The following TULP4 variants were observed in gnomAD, a reference collection of about 807,000 sequenced individuals.
The protein encoded by TULP4 is tubby-related protein 4.
In TULP4, 16 loss-of-function variants were observed where a neutral mutation model predicts 129.0. The observed-to-expected ratio is 0.12, with a 90% CI of 0.08 to 0.19. The LOEUF (loss-of-function observed/expected upper bound fraction) is 0.19. Among genes scored for constraint, TULP4 ranks in the 10% least tolerant of loss-of-function variants. The probability of loss-of-function intolerance (pLI) is 1.00; values close to 1 mark genes in which losing one functional copy is unlikely to be tolerated. For missense variants in TULP4, 1,842 were observed against 2,059.1 expected (o/e 0.89, Z 2.04); for synonymous variants, 998 against 854.0 (o/e 1.17, Z -2.94).
intron 1 of TULP4, among the ~76,000 whole-genome samples, chr6:158,373,557 G>C (rs968730180): frequency 6.6e-6 from 1 of 152,100 alleles, no homozygotes; most frequent in African/African-American, 2.4e-5. Context: ...ACAAACTATG[G>C]AGTTTATCTC....
intron 1 of TULP4, chr6:158,238,057 T>A: frequency 1.4e-6 from 1 of 702,690 alleles, no homozygotes; most frequent in Non-Finnish European, 2.7e-6. Context: ...TGTGAAGACA[T>A]CAGTGGTACT....
chr6:158,449,505 G>C (rs143024711), intron 4 of TULP4, among the ~76,000 whole-genome samples: 1 of 152,018 alleles, frequency 6.6e-6, no homozygotes, highest in East Asian at 2.0e-4. Flanking sequence ...TGACAATAAA[G>C]AAAGCTAAAG....
intron 13 of TULP4, 97 bp downstream of exon 13, chr6:158,504,275 T>G: frequency 9.8e-7 from 1 of 1,020,612 alleles, no homozygotes; most frequent in Non-Finnish European, 1.4e-6. Flanking sequence ...AAATGGGAAA[T>G]GTGGAAAACA....
Position 158,493,480 on chromosome 6 carries a change from G to A in TULP4, c.1632-93G>A, listed in dbSNP as rs1780260587. On this transcript the variant is annotated intron_variant, in intron 9 of 13. Transcript: ENST00000367097. The surrounding 1 kb of genome is among the most constrained non-coding windows in gnomAD (Gnocchi z 4.4). ...AGGGTGAGAACCCAACACCCAGGCTGGCTGTCCAGAAAAAGAAAGGACTGC... is the reference window on the plus strand; with the variant it reads ...AGGGTGAGAACCCAACACCCAGGCTAGCTGTCCAGAAAAAGAAAGGACTGC... The A allele has an allele frequency of 6.8e-6, 9 of 1,321,328 alleles. No individual in the cohort carries two copies. The highest frequency in any genetic ancestry group is 5.6e-5 in the East Asian group (2 of 35,622). 81.9% of individuals were successfully genotyped at this position (1,321,328 alleles called of 1,614,324 possible). A position where few individuals can be genotyped will look rare whatever the true frequency, so the allele number is the denominator to read the frequency against.
chr6:158,338,574 C>T (rs931487144), intron 1 of TULP4, among the ~76,000 whole-genome samples: 5 of 152,166 alleles, frequency 3.3e-5, no homozygotes, highest in Admixed American at 6.5e-5. Flanking sequence ...GTATCCTTTG[C>T]GGAATTTAGC....
chr6:158,244,977 ATAATT>A (rs1777999983), intron 1 of TULP4, among the ~76,000 whole-genome samples: 1 of 152,040 alleles, frequency 6.6e-6, no homozygotes, highest in Non-Finnish European at 1.5e-5. Context: ...TGTTGGCAAT[ATAATT>A]TAGACACAAT....
upstream of TULP4, among the ~76,000 whole-genome samples, chr6:158,281,299 C>T (rs574951294): frequency 4.8e-4 from 73 of 151,882 alleles, no homozygotes; most frequent in African/African-American, 1.6e-3. Context: ...CTGCAACCTC[C>T]GCCTCCTGGG....
At chr6:158,387,500 A>G (rs1453933416) in intron 1 of TULP4, among the ~76,000 whole-genome samples, 3 of 152,228 alleles carry the variant, frequency 2.0e-5, no homozygotes, top group Non-Finnish European at 4.4e-5. Flanking sequence ...AACTTAAAGC[A>G]TAATTTAAGT....
rs564265430 is a variant in TULP4, at chr6:158,370,255, G to A, written c.253-42810G>A. 4.6e-5 allele frequency among the ~76,000 whole-genome samples: 7 copies of A among 151,818 alleles called. No individual in the cohort carries two copies. The South Asian group carries it at 1.5e-3, about 32-fold the overall frequency. On this transcript the variant is annotated intron_variant, in intron 1 of 13. Coordinates refer to ENST00000367097, the MANE Select transcript of TULP4 (RefSeq NM_020245.5). ...GCGGATCACCTGAGGTCAGGAGTTC[G>A]AGACCAGCCTGGCCAACATGGCGAA... is the stretch of plus-strand genomic sequence containing the variant.
At chr6:158,501,400 C>G (rs1780440174) in intron 12 of TULP4, among the ~76,000 whole-genome samples, 1 of 152,124 alleles carries the variant, frequency 6.6e-6, no homozygotes, top group Non-Finnish European at 1.5e-5. Flanking sequence ...TGTGATGGTG[C>G]CATTGAGGCA....
At chr6:158,341,964 G>A (rs1024709512) in intron 1 of TULP4, among the ~76,000 whole-genome samples, 10 of 152,164 alleles carry the variant, frequency 6.6e-5, no homozygotes, top group African/African-American at 2.4e-4. Context: ...TGTCGCCCAG[G>A]CTGGAGTGCA....
In TULP4 at chr6:158,494,770, G is replaced by T. The variant is rs1445880586; in HGVS notation, c.1794G>T (p.Gln598His). The T allele has an allele frequency of 2.5e-6, 4 of 1,613,770 alleles. No homozygotes were observed. The highest frequency in any genetic ancestry group is 3.4e-6 in the Non-Finnish European group (4 of 1,179,952). Residue 598 changes from glutamine to histidine, a missense_variant, in exon 11 of 14, where the codon CAG (glutamine) becomes CAT (histidine). Gln to His is a conservative substitution (Grantham distance 24). Around this residue, in one of 5 missense-constraint regions of TULP4, gnomAD observed 99 missense variants for 165.1 expected, o/e 0.60. Transcript: ENST00000367097. ...TACCGCAGCACAACTATCTTGCTCAGGTCACGTCTAATATCTGGGGAACCA... is the reference window on the plus strand; with the variant it reads ...TACCGCAGCACAACTATCTTGCTCATGTCACGTCTAATATCTGGGGAACCA... ...EDITQHNYLAQVTSNIWGTKF... is the reference protein window; with the variant it reads ...EDITQHNYLAHVTSNIWGTKF...
Position 158,313,456 on chromosome 6 carries a change from C to T in TULP4, c.-561C>T, listed in dbSNP as rs1339595307. ...TTTAGCAGCAGAAATTTGTCTAGTT[C>T]AGGAAACATGCTAGAGGGTGGCTTC... On this transcript the variant is annotated 5_prime_UTR_variant, in exon 1 of 14. An upstream open reading frame in the 5' UTR gains an earlier in-frame stop. Transcript: ENST00000367097. 5.0e-6 allele frequency: 2 copies of T among 399,208 alleles called. No homozygotes were observed. Among genetic ancestry groups the T allele is most frequent in the Non-Finnish European group, 8.8e-6 (2 of 226,688 alleles). The allele number at this position is 399,208 out of a possible 1,614,324, so 24.7% of individuals were successfully genotyped here.
intron 1 of TULP4, among the ~76,000 whole-genome samples, chr6:158,394,785 T>TAAA (rs1777665761): frequency 9.7e-5 from 1 of 10,362 alleles, no homozygotes; most frequent in Non-Finnish European, 1.5e-4. Flanking sequence ...AGGCTCTGTC[T>TAAA]CAAAAAAAAA....
intron 12 of TULP4, 148 bp from the exon 13 acceptor site, chr6:158,501,530 G>C (rs1205031635): frequency 1.3e-6 from 1 of 790,114 alleles, no homozygotes; most frequent in Non-Finnish European, 2.0e-6. Flanking sequence ...GAGCAGGCCA[G>C]CTTTCCCCAA....
At chr6:158,272,329 A>G (rs1778566932) in intron 1 of TULP4, among the ~76,000 whole-genome samples, 1 of 152,112 alleles carries the variant, frequency 6.6e-6, no homozygotes, top group South Asian at 2.1e-4. Context: ...CTATGATCTT[A>G]TTACTAGCCA....
chr6:158,454,806 G>A (rs934312387), intron 5 of TULP4, among the ~76,000 whole-genome samples: 8 of 151,794 alleles, frequency 5.3e-5, no homozygotes, highest in Middle Eastern at 3.2e-3. Context: ...GGGTTTCATC[G>A]TATTGGTCAG....
intron 1 of TULP4, among the ~76,000 whole-genome samples, chr6:158,388,531 G>A (rs1454106710): frequency 5.3e-5 from 8 of 151,082 alleles, no homozygotes; most frequent in Non-Finnish European, 8.8e-5. Flanking sequence ...GGGTTTCACC[G>A]TGTTAGCCAG....
intron 6 of TULP4, among the ~76,000 whole-genome samples, chr6:158,465,785 G>A (rs919095623): frequency 1.3e-5 from 2 of 152,172 alleles, no homozygotes; most frequent in African/African-American, 4.8e-5. Flanking sequence ...CATGTGGAAG[G>A]TATACGTTGG....
Sources: gnomAD v4.1 joint callset for allele counts (sites outside exome capture counted in the v4.1 genomes callset) on GRCh38, gnomAD v4.1.1 for gene constraint, gnomAD v4.1.1 regional missense constraint, Gnocchi (gnomAD v3.1) non-coding constraint, MANE v1.5 for transcripts, NCBI Gene and HGNC (gene_info 2026-07-23, HGNC 2026-07-21) for gene names.